CASR: variants seen among roughly 807,000 people sequenced by gnomAD.
CASR encodes extracellular calcium-sensing receptor.
A neutral mutation model predicts 69.1 loss-of-function variants in CASR; 23 were observed. The observed-to-expected ratio is 0.33, with a 90% CI of 0.24 to 0.47. The LOEUF is 0.47. CASR is among the 20% of genes least tolerant of loss of function. CASR has a pLI of 1.00. For synonymous variants in CASR, 541 were observed against 544.7 expected, an observed-to-expected ratio of 0.99 and a Z score of 0.10; for missense variants, 924 against 1,356.1, an observed-to-expected ratio of 0.68 and a Z score of 5.00.
At chr3:122,246,621 C>T (rs1576846144) in intron 1 of CASR, 1 of 152,184 alleles carries the variant, frequency 6.6e-6, no homozygotes. Context: ...AGGCTTCTAT[C>T]GGCGCTTGAG....
chr3:122,186,657 A>G (rs1236649858), intron 1 of CASR, among the ~76,000 whole-genome samples: 1 of 152,184 alleles, frequency 6.6e-6, no homozygotes, highest in African/African-American at 2.4e-5. Flanking sequence ...ACTAAGATAA[A>G]CTGTCTGAAG....
chr3:122,201,829 G>A (rs2073956433), intron 1 of CASR, among the ~76,000 whole-genome samples: 1 of 152,026 alleles, frequency 6.6e-6, no homozygotes, highest in African/African-American at 2.4e-5. Flanking sequence ...TGGGCGGCCG[G>A]GCAGAGACGC....
At chr3:122,184,828 C>T (rs1038115330) in intron 1 of CASR, among the ~76,000 whole-genome samples, 1 of 152,246 alleles carries the variant, frequency 6.6e-6, no homozygotes, top group Non-Finnish European at 1.5e-5. Flanking sequence ...TGTGCCTCTG[C>T]CTTGTTTCTG....
intron 1 of CASR, among the ~76,000 whole-genome samples, chr3:122,231,758 CAAAAAA>C (rs11287887): frequency 6.8e-6 from 1 of 147,208 alleles, no homozygotes; most frequent in African/African-American, 2.5e-5. Flanking sequence ...CTCCCACTCA[CAAAAAA>C]AAAAAAAATC....
chr3:122,222,972 G>C (rs546111091), intron 1 of CASR, among the ~76,000 whole-genome samples: 2 of 152,204 alleles, frequency 1.3e-5, no homozygotes, highest in African/African-American at 4.8e-5. Context: ...AATGACTTTT[G>C]AGTAAACAAT....
intron 1 of CASR, among the ~76,000 whole-genome samples, chr3:122,218,021 G>T (rs555394405): frequency 6.6e-6 from 1 of 152,130 alleles, no homozygotes; most frequent in Non-Finnish European, 1.5e-5. Flanking sequence ...GTTAAGAATT[G>T]TGCTCTTGAC....
At chr3:122,244,255 C>T (rs190742513) in intron 1 of CASR, among the ~76,000 whole-genome samples, 4 of 152,172 alleles carry the variant, frequency 2.6e-5, no homozygotes, top group African/African-American at 9.6e-5. Flanking sequence ...GTAACTATTA[C>T]AAATTACATG....
At chr3:122,188,238 C>T (rs181389563) in intron 1 of CASR, among the ~76,000 whole-genome samples, 7 of 152,244 alleles carry the variant, frequency 4.6e-5, no homozygotes, top group South Asian at 4.1e-4. Context: ...TGAACCATGG[C>T]GGTCATGGCA....
intron 1 of CASR, among the ~76,000 whole-genome samples, chr3:122,187,200 G>A (rs2073794204): frequency 6.6e-6 from 1 of 152,122 alleles, no homozygotes; most frequent in Non-Finnish European, 1.5e-5. Flanking sequence ...GGTGAAAATA[G>A]GTGTGGCAGG....
chr3:122,284,219 G>A lies in CASR; in HGVS notation c.2265G>A (p.Glu755=), dbSNP rs201366240. Residue 755 remains glutamate, a synonymous_variant, in exon 7 of 7, where the codon GAG becomes GAA. Coordinates refer to ENST00000639785, the MANE Select transcript of CASR (RefSeq NM_000388.4). ...TAPPSSYRNQ[E]LEDEIIFITC... is the part of the protein sequence containing the mutation. Reference sequence around the variant, plus strand: ...CCCCGTCAAGCTACCGCAACCAGGAGCTGGAGGATGAGATCATCTTCATCA... The same window carrying A: ...CCCCGTCAAGCTACCGCAACCAGGAACTGGAGGATGAGATCATCTTCATCA... 6.2e-7 allele frequency: 1 copy of A among 1,613,958 alleles called. No homozygotes were observed. The highest frequency in any genetic ancestry group is 1.7e-5 in the Admixed American group (1 of 60,004).
intron 1 of CASR, among the ~76,000 whole-genome samples, chr3:122,194,427 T>G (rs997527339): frequency 2.0e-5 from 3 of 152,046 alleles, no homozygotes; most frequent in Non-Finnish European, 2.9e-5. Context: ...ACCCCCGCAC[T>G]TTCTACTCTT....
chr3:122,277,847 G>A (rs1298201236), intron 5 of CASR, among the ~76,000 whole-genome samples: 3 of 152,164 alleles, frequency 2.0e-5, no homozygotes, highest in Non-Finnish European at 2.9e-5. Flanking sequence ...CCCAGGCTAT[G>A]TACATCATGG....
chr3:122,251,920 C>G (rs953661821), intron 1 of CASR, among the ~76,000 whole-genome samples: 1 of 152,140 alleles, frequency 6.6e-6, no homozygotes, highest in African/African-American at 2.4e-5. Context: ...CCTGTGGCAT[C>G]CAAAGATTTG....
chr3:122,197,795 A>T lies in CASR; in HGVS notation c.-243+13983A>T, dbSNP rs1409285150. 2.0e-5 allele frequency among the ~76,000 whole-genome samples: 3 copies of T among 152,166 alleles called. No individual in the cohort carries two copies. The East Asian group carries it at 5.8e-4, about 29-fold the overall frequency. ...TTCTTCAGCTTTTCTTTCTGCTGTC[A>T]TCACTTTGATCATCTGCCTGCCAGC... is the stretch of plus-strand genomic sequence containing the variant. On this transcript the variant is annotated intron_variant, in intron 1 of 6. Transcript: ENST00000639785.
intron 1 of CASR, among the ~76,000 whole-genome samples, chr3:122,244,145 AT>A (rs2074404816): frequency 6.6e-6 from 1 of 152,146 alleles, no homozygotes; most frequent in Admixed American, 6.5e-5. Flanking sequence ...GTCAATAATA[AT>A]TTAATTATAC....
At chr3:122,273,553 T>C (rs1411700004) in intron 4 of CASR, among the ~76,000 whole-genome samples, 1 of 152,166 alleles carries the variant, frequency 6.6e-6, no homozygotes, top group Non-Finnish European at 1.5e-5. Context: ...TAGTGGAAAC[T>C]CTATGATTAG....
chr3:122,254,452 T>A lies in CASR; in HGVS notation c.185+78T>A, dbSNP rs540394617. ...AAAGCTGCACCAAACGCAAAATAAT[T>A]TTTTCAAACTTTGTCCTATCTTTTC... On this transcript the variant is annotated intron_variant, in intron 2 of 6. Transcript: ENST00000639785. The A allele has an allele frequency of 6.4e-6, 9 of 1,404,740 alleles. No homozygotes were observed. In the East Asian group the frequency reaches 2.1e-4, roughly 32 times the overall value. The allele number at this position is 1,404,740 out of a possible 1,614,324, so 87.0% of individuals were successfully genotyped here.
intron 1 of CASR, among the ~76,000 whole-genome samples, chr3:122,249,990 C>G (rs1022621393): frequency 5.9e-5 from 9 of 152,222 alleles, no homozygotes; most frequent in African/African-American, 2.2e-4. Context: ...AAGATGGTCT[C>G]TAGCTGTCAT....
chr3:122,215,982 G>A (rs77571552), intron 1 of CASR, among the ~76,000 whole-genome samples: 3,228 of 152,286 alleles, frequency 0.021, 117 homozygotes, highest in African/African-American at 0.074. Context: ...TACCCTCACA[G>A]AGCCTGTGTT....
Sources: allele counts gnomAD v4.1 joint callset (sites outside exome capture counted in the v4.1 genomes callset), GRCh38; gene constraint gnomAD v4.1.1; transcripts MANE v1.5; gene names NCBI Gene and HGNC (gene_info 2026-07-23, HGNC 2026-07-21).